NAV1: variants seen among roughly 807,000 people sequenced by gnomAD.
The protein encoded by NAV1 is pore membrane and/or filament interacting like protein 3.
Under a neutral mutation model 175.2 loss-of-function variants are expected in NAV1, and 18 were observed. The ratio of observed to expected loss-of-function variants is 0.10; its 90% CI spans 0.07 to 0.15. The LOEUF is 0.15. Ranked by LOEUF, NAV1 falls within the 10% of genes least tolerant of loss-of-function variation. The probability of loss-of-function intolerance (pLI) is 1.00; values close to 1 mark genes in which losing one functional copy is unlikely to be tolerated. For missense variants in NAV1, 1,731 were observed against 2,436.6 expected, an observed-to-expected ratio of 0.71 and a Z score of 6.10; for synonymous variants, 897 against 978.7, an observed-to-expected ratio of 0.92 and a Z score of 1.56.
At chr1:201,589,490 G>C (rs934550813) in intron 2 of NAV1, among the ~76,000 whole-genome samples, 3 of 151,916 alleles carry the variant, frequency 2.0e-5, no homozygotes, top group Non-Finnish European at 4.4e-5. Context: ...GTGTTTTTTT[G>C]TTTTGTTTTT....
At position 201,811,984 on chromosome 1, in the gene NAV1, C is replaced by A; in HGVS notation, c.5024+10C>A. The A allele has an allele frequency of 6.2e-7, 1 of 1,613,152 alleles. No homozygotes were observed. The highest frequency in any genetic ancestry group is 8.5e-7 in the Non-Finnish European group (1 of 1,179,110). On this transcript the variant is annotated intron_variant, in intron 26 of 29. Transcript: ENST00000367296. ...TGCACTTGAGCTTCAGGTAAGACCT[C>A]TAGCTCTGGATGAACCTTCTGACCC... is the stretch of plus-strand genomic sequence containing the variant.
At chr1:201,544,195 G>A (rs1054973669) in intron 1 of NAV1, among the ~76,000 whole-genome samples, 19 of 152,180 alleles carry the variant, frequency 1.2e-4, no homozygotes, top group African/African-American at 4.1e-4. Context: ...GGTTTGGAAT[G>A]TGGCTTCAGT....
chr1:201,739,696 A>T, intron 3 of NAV1: 2 of 937,006 alleles, frequency 2.1e-6, no homozygotes, highest in Non-Finnish European at 2.6e-6. Context: ...CAGGCTTCCG[A>T]GGCCACCGGA....
chr1:201,782,819 A>G lies in NAV1; in HGVS notation c.2307A>G (p.Ala769=). The G allele has an allele frequency of 6.2e-7, 1 of 1,604,968 alleles. No homozygotes were observed. Among genetic ancestry groups the G allele is most frequent in the Non-Finnish European group, 8.5e-7 (1 of 1,174,152 alleles). The change falls in exon 6 of 30, where the codon GCA becomes GCG. Residue 769 remains alanine, a synonymous_variant. Coordinates refer to ENST00000367296, the Ensembl canonical transcript of NAV1. The surrounding 1 kb of genome is among the most constrained non-coding windows in gnomAD (Gnocchi z 5.4). ...CAGAAAGTACTCCCAAGAACCAAGC[A>G]AGCCACCCCACAGCCACCAAGCTGG...
At chr1:201,804,111 C>G in intron 16 of NAV1, 1 of 444,118 alleles carries the variant, frequency 2.3e-6, no homozygotes, top group Non-Finnish European at 4.2e-6. Context: ...TCCTGGAGGT[C>G]ATTTCTTTAA....
chr1:201,590,866 G>A (rs972580299), intron 2 of NAV1, among the ~76,000 whole-genome samples: 1 of 152,218 alleles, frequency 6.6e-6, no homozygotes, highest in African/African-American at 2.4e-5. Flanking sequence ...CTCTGGTCCT[G>A]TTAACCAGCT....
chr1:201,568,928 G>C (rs1666448576), intron 1 of NAV1, among the ~76,000 whole-genome samples: 1 of 152,146 alleles, frequency 6.6e-6, no homozygotes, highest in Non-Finnish European at 1.5e-5. Flanking sequence ...AGGTCCTAGG[G>C]AGGAAGGTCA....
chr1:201,740,163 C>A lies in NAV1; in HGVS notation c.1226+21408C>A. The A allele has an allele frequency of 8.9e-7, 1 of 1,122,820 alleles. No individual in the cohort carries two copies. The highest frequency in any genetic ancestry group is 1.8e-5 in the South Asian group (1 of 56,398). 69.6% of individuals were successfully genotyped at this position (1,122,820 alleles called of 1,614,324 possible). Reference sequence around the variant, plus strand: ...CACCCCCAGCCCCGCCGCAGCCCCCCAGTTCCGCCGCAGCTGCAGTCTCAG... The same window carrying A: ...CACCCCCAGCCCCGCCGCAGCCCCCAAGTTCCGCCGCAGCTGCAGTCTCAG... On this transcript the variant is annotated intron_variant, in intron 3 of 29. Transcript: ENST00000367296. The surrounding 1 kb of genome is among the most constrained non-coding windows in gnomAD (Gnocchi z 4.7).
At chr1:201,590,305 C>A (rs1008892933) in intron 2 of NAV1, among the ~76,000 whole-genome samples, 6 of 152,326 alleles carry the variant, frequency 3.9e-5, no homozygotes, top group African/African-American at 1.4e-4. Flanking sequence ...GTAACCAGGG[C>A]CCTCTGATCT....
exon 21 of NAV1, chr1:201,809,253 A>G: frequency 1.9e-6 from 3 of 1,613,970 alleles, no homozygotes; most frequent in Non-Finnish European, 2.5e-6. Flanking sequence ...GCAGCACATC[A>G]TCAAAGGGGT....
intron 1 of NAV1, among the ~76,000 whole-genome samples, chr1:201,702,470 G>A (rs554952131): frequency 5.9e-5 from 9 of 152,178 alleles, no homozygotes; most frequent in Admixed American, 2.6e-4. Context: ...AGGTTCAAGC[G>A]ATTTTCCTGC....
In NAV1 at chr1:201,629,180, A is replaced by G. The variant is rs548593914; in HGVS notation, c.-100-224A>G. ...GGTGACAAGCATCGGGCATCCCAGT[A>G]TCCTCTGGGGCTCCCTGCCTGGCGC... is the stretch of plus-strand genomic sequence containing the variant. On this transcript the variant is annotated intron_variant, in intron 1 of 29. Transcript: ENST00000367302. Among the ~76,000 whole-genome samples, 42 of 152,312 alleles carry G rather than the reference A, an allele frequency of 2.8e-4. No homozygotes were observed. The South Asian group carries it at 8.7e-3, about 32-fold the overall frequency.
exon 30 of NAV1, chr1:201,821,463 C>T (rs576229777): frequency 1.3e-5 from 2 of 152,006 alleles, no homozygotes; most frequent in East Asian, 3.9e-4. Context: ...TTGACAAGTA[C>T]TTACTGAGTA....
At chr1:201,785,436 C>G (rs1409928982) in intron 8 of NAV1, 85 bp downstream of exon 12, 2 of 1,408,606 alleles carry the variant, frequency 1.4e-6, no homozygotes, top group South Asian at 2.4e-5. Context: ...TCCAAGGCTC[C>G]AGTCATGAAT....
At chr1:201,544,651 C>A (rs1245466048) in intron 1 of NAV1, among the ~76,000 whole-genome samples, 1 of 152,158 alleles carries the variant, frequency 6.6e-6, no homozygotes, top group African/African-American at 2.4e-5. Flanking sequence ...GACTTCCACC[C>A]ATCGCTGAAA....
intron 1 of NAV1, among the ~76,000 whole-genome samples, chr1:201,675,144 C>A (rs140250147): frequency 9.6e-4 from 146 of 152,208 alleles, no homozygotes; most frequent in African/African-American, 3.3e-3. Context: ...CTGGGGATGA[C>A]CTTTCCACAT....
intron 1 of NAV1, among the ~76,000 whole-genome samples, chr1:201,575,627 T>G (rs1666672528): frequency 6.6e-6 from 1 of 151,810 alleles, no homozygotes. Context: ...GGAAGGAAAA[T>G]CCAAATCCAA....
intron 28 of NAV1, among the ~76,000 whole-genome samples, chr1:201,815,578 AG>A (rs1394905363): frequency 1.3e-4 from 20 of 152,240 alleles, no homozygotes; most frequent in African/African-American, 4.8e-4. Context: ...GAGGCTGGGC[AG>A]GGGGGTAGGT....
rs116667945 is a variant in NAV1, at chr1:201,717,890, G to A, written c.861-500G>A. Among the ~76,000 whole-genome samples, 660 of 152,306 alleles carry A rather than the reference G, an allele frequency of 4.3e-3. 6 individuals are homozygous for A. Among genetic ancestry groups the A allele is most frequent in the African/African-American group, 0.014 (599 of 41,574 alleles). On this transcript the variant is annotated intron_variant, in intron 2 of 29. Transcript: ENST00000367296. ...GTGATGGACACACCATTAACAAAAT[G>A]ACCAAGGCCTTCTAAGCTCAAGTGA...
Sources: gnomAD v4.1 joint callset for allele counts (sites outside exome capture counted in the v4.1 genomes callset) on GRCh38, gnomAD v4.1.1 for gene constraint, Gnocchi (gnomAD v3.1) non-coding constraint, MANE v1.5 for transcripts, NCBI Gene and HGNC (gene_info 2026-07-23, HGNC 2026-07-21) for gene names.